COL5A2: variants seen among roughly 807,000 people sequenced by gnomAD.
COL5A2 encodes collagen alpha-2(V) chain.
COL5A2 carries 23 observed loss-of-function variants against 208.2 expected under a neutral mutation model. That is an observed-to-expected ratio of 0.11 (90% CI 0.08 to 0.16). The LOEUF is 0.16. COL5A2 is among the 10% of genes least tolerant of loss of function. COL5A2 has a pLI of 1.00. For missense variants in COL5A2, 1,590 were observed against 1,956.4 expected, an observed-to-expected ratio of 0.81 and a Z score of 3.53; for synonymous variants, 625 against 628.5, an observed-to-expected ratio of 0.99 and a Z score of 0.08.
rs533018451 is a variant in COL5A2, at chr2:189,192,436, C to T, written c.-42+32712G>A. ...TCTCACTAACCACTTTACATGAGGACGACCCCATAGGTCCTTCGAGCCCAA... is the reference window on the plus strand; with the variant it reads ...TCTCACTAACCACTTTACATGAGGATGACCCCATAGGTCCTTCGAGCCCAA... On this transcript the variant is annotated intron_variant, in intron 1 of 10. Coordinates refer to the COL5A2 transcript ENST00000649966. Among the ~76,000 whole-genome samples the T allele has an allele frequency of 4.6e-5, 7 of 152,254 alleles. No individual in the cohort carries two copies. In the East Asian group the frequency reaches 7.7e-4, roughly 17 times the overall value.
chr2:189,084,582 C>G (rs1332069443), intron 11 of COL5A2, among the ~76,000 whole-genome samples: 1 of 152,062 alleles, frequency 6.6e-6, no homozygotes, highest in East Asian at 1.9e-4. Flanking sequence ...TAATGGCCTA[C>G]CCATAATTTG....
the COL5A2 span, among the ~76,000 whole-genome samples, chr2:189,273,350 A>C: frequency 6.6e-6 from 1 of 152,252 alleles, no homozygotes; most frequent in South Asian, 2.1e-4. Flanking sequence ...AAATACAAAA[A>C]AAAAGTGTTA....
the COL5A2 span, among the ~76,000 whole-genome samples, chr2:189,277,482 C>T: frequency 6.6e-6 from 1 of 151,926 alleles, no homozygotes; most frequent in Non-Finnish European, 1.5e-5. Flanking sequence ...CTCTCTATAC[C>T]CCTTAAGAGC....
chr2:189,359,757 C>A, the COL5A2 span, among the ~76,000 whole-genome samples: 1 of 151,958 alleles, frequency 6.6e-6, no homozygotes, highest in South Asian at 2.1e-4. Flanking sequence ...CATTATTGGT[C>A]TAAACAGGAT....
chr2:189,151,778 G>C (rs1415902235), intron 1 of COL5A2, among the ~76,000 whole-genome samples: 1 of 152,004 alleles, frequency 6.6e-6, no homozygotes, highest in Admixed American at 6.6e-5. Context: ...TCAACTGACT[G>C]CACACACCTT....
At chr2:189,104,027 C>A (rs1025411106) in intron 3 of COL5A2, among the ~76,000 whole-genome samples, 2 of 152,098 alleles carry the variant, frequency 1.3e-5, no homozygotes, top group South Asian at 2.1e-4. Flanking sequence ...AAAGATGTCA[C>A]AACTTTCTGG....
At chr2:189,191,163 C>CAAAAAAAAAAAAAAAAAAAAAAA (rs1553526772) in intron 1 of COL5A2, among the ~76,000 whole-genome samples, 24 of 72,276 alleles carry the variant, frequency 3.3e-4, no homozygotes, top group Non-Finnish European at 6.5e-4. Flanking sequence ...AAAAAACAAA[C>CAAAAAAAAAAAAAAAAAAAAAAA]AAACAACAAA....
At chr2:189,065,953 C>T (rs1037905865) in intron 23 of COL5A2, among the ~76,000 whole-genome samples, 1 of 152,228 alleles carries the variant, frequency 6.6e-6, no homozygotes, top group Non-Finnish European at 1.5e-5. Context: ...CCTAATCTAA[C>T]ATTACAACAC....
intron 17 of COL5A2, among the ~76,000 whole-genome samples, chr2:189,072,352 T>A (rs1686293775): frequency 6.6e-6 from 1 of 152,188 alleles, no homozygotes; most frequent in South Asian, 2.1e-4. Flanking sequence ...ATCACAAACA[T>A]AAAGTGTTTC....
At chr2:189,427,548 G>A in the COL5A2 span, among the ~76,000 whole-genome samples, 1 of 152,120 alleles carries the variant, frequency 6.6e-6, no homozygotes, top group South Asian at 2.1e-4. Flanking sequence ...CCCCAGAATT[G>A]TAGCTCCACC....
At chr2:189,048,322 C>T in intron 44 of COL5A2, 60 bp from the exon 45 acceptor site, 2 of 1,489,298 alleles carry the variant, frequency 1.3e-6, no homozygotes, top group South Asian at 1.1e-5. Context: ...ATCCTCATTC[C>T]AATTGTCAAA....
At chr2:189,108,746 T>A (rs1320499602) in intron 2 of COL5A2, among the ~76,000 whole-genome samples, 3 of 151,918 alleles carry the variant, frequency 2.0e-5, no homozygotes, top group Non-Finnish European at 4.4e-5. Flanking sequence ...ATCCCTTGCT[T>A]GCCTTCTACA....
At chr2:189,224,392 A>T (rs986077150) in intron 1 of COL5A2, among the ~76,000 whole-genome samples, 5 of 152,116 alleles carry the variant, frequency 3.3e-5, no homozygotes. Flanking sequence ...ACTATTTTTT[A>T]AAACTAGAAA....
intron 1 of COL5A2, among the ~76,000 whole-genome samples, chr2:189,216,246 G>C (rs763450432): frequency 6.6e-6 from 1 of 152,090 alleles, no homozygotes; most frequent in Admixed American, 6.6e-5. Flanking sequence ...CAGCTATGTG[G>C]AATGATTTGA....
chr2:189,142,130 TTAATC>T (rs1324758496), intron 1 of COL5A2, among the ~76,000 whole-genome samples: 9 of 152,130 alleles, frequency 5.9e-5, no homozygotes, highest in Non-Finnish European at 1.5e-5. Context: ...TATTTAAAGT[TTAATC>T]TATATGTTTT....
intron 1 of COL5A2, among the ~76,000 whole-genome samples, chr2:189,205,533 T>C (rs919803431): frequency 2.0e-5 from 3 of 152,234 alleles, no homozygotes; most frequent in Admixed American, 6.5e-5. Flanking sequence ...CAGTTTATAT[T>C]TGGCCTTGGG....
chr2:189,424,933 C>A, the COL5A2 span, among the ~76,000 whole-genome samples: 1 of 152,302 alleles, frequency 6.6e-6, no homozygotes, highest in African/African-American at 2.4e-5. Flanking sequence ...AGTAACCCAA[C>A]AGCCGTGGTA....
chr2:189,380,079 A>G, the COL5A2 span, among the ~76,000 whole-genome samples: 3 of 151,974 alleles, frequency 2.0e-5, no homozygotes, highest in Admixed American at 6.5e-5. Flanking sequence ...TGCTGTTTGT[A>G]TAAGTAATTA....
chr2:189,380,339 G>A, the COL5A2 span, among the ~76,000 whole-genome samples: 3 of 151,602 alleles, frequency 2.0e-5, no homozygotes, highest in African/African-American at 4.8e-5. Context: ...AATAACAACA[G>A]TAAAATGTTT....
Sources: allele counts gnomAD v4.1 joint callset (sites outside exome capture counted in the v4.1 genomes callset), GRCh38; gene constraint gnomAD v4.1.1; transcripts MANE v1.5; gene names NCBI Gene and HGNC (gene_info 2026-07-23, HGNC 2026-07-21).